SPCS3: variants seen among roughly 807,000 people sequenced by gnomAD.
The protein encoded by SPCS3 is SPase 22 kDa subunit.
SPCS3 carries 9 observed loss-of-function variants against 17.2 expected under a neutral mutation model. The observed-to-expected ratio is 0.52, with a 90% CI of 0.31 to 0.91. The LOEUF (loss-of-function observed/expected upper bound fraction) is 0.91. SPCS3 is among the 40% of genes least tolerant of loss of function. The pLI is 0.04. For synonymous variants in SPCS3, 87 were observed against 89.6 expected, an observed-to-expected ratio of 0.97 and a Z score of 0.16; for missense variants, 139 against 217.5, an observed-to-expected ratio of 0.64 and a Z score of 2.27.
At position 176,328,403 on chromosome 4, in the gene SPCS3, T is replaced by G; in HGVS notation, c.*73T>G. On this transcript the variant is annotated 3_prime_UTR_variant, in exon 5 of 5. Transcript: ENST00000503362. ...TCTCATTAATCTCTTCCCTTACATCTTCATGTATTGTTGGTTTGTTTTTTG... is the reference window on the plus strand; with the variant it reads ...TCTCATTAATCTCTTCCCTTACATCGTCATGTATTGTTGGTTTGTTTTTTG... 1 of 1,248,360 alleles carries G rather than the reference T, an allele frequency of 8.0e-7. No individual in the cohort carries two copies. Among genetic ancestry groups the G allele is most frequent in the Non-Finnish European group, 1.0e-6 (1 of 957,236 alleles). 77.3% of individuals were successfully genotyped at this position (1,248,360 alleles called of 1,614,324 possible). A position where few individuals can be genotyped will look rare whatever the true frequency, so the allele number is the denominator to read the frequency against.
intron 1 of SPCS3, 31 bp downstream of exon 1, chr4:176,320,250 G>C (rs2126999068): frequency 6.7e-7 from 1 of 1,498,114 alleles, no homozygotes; most frequent in South Asian, 1.3e-5. Context: ...GGTGCAGGAC[G>C]CCGGGACCGG....
chr4:176,328,264 T>C lies in SPCS3; in HGVS notation c.477T>C (p.Leu159=). 6.2e-7 allele frequency: 1 copy of C among 1,613,330 alleles called. No homozygotes were observed. Among genetic ancestry groups the C allele is most frequent in the Non-Finnish European group, 8.5e-7 (1 of 1,179,580 alleles). The part of the protein sequence containing the change: ...NVVPNAGILP[L]VTGSGHVSVP... ...TACCAAATGCTGGAATTCTACCTCTTGTGACAGGATCAGGACACGTATCTG... is the reference window on the plus strand; with the variant it reads ...TACCAAATGCTGGAATTCTACCTCTCGTGACAGGATCAGGACACGTATCTG... The change falls in exon 5 of 5, where the codon CTT becomes CTC. Residue 159 remains leucine, a synonymous_variant. Coordinates refer to ENST00000503362, the MANE Select transcript of SPCS3 (RefSeq NM_021928.4).
chr4:176,327,309 A>T, intron 4 of SPCS3, 32 bp downstream of exon 4: 3 of 1,272,222 alleles, frequency 2.4e-6, no homozygotes, highest in Non-Finnish European at 3.2e-6. Flanking sequence ...TTTTACATTT[A>T]ATAAGAGGTG....
At chr4:176,326,216 G>A (rs1345440605) in intron 3 of SPCS3, among the ~76,000 whole-genome samples, 3 of 151,908 alleles carry the variant, frequency 2.0e-5, no homozygotes, top group Non-Finnish European at 2.9e-5. Context: ...CAGGAGAATC[G>A]CATGAACCTG....
chr4:176,324,129 A>C, intron 2 of SPCS3, 52 bp from the exon 3 acceptor site: 1 of 909,608 alleles, frequency 1.1e-6, no homozygotes, highest in Non-Finnish European at 1.5e-6. Context: ...ATTAAGATCT[A>C]TTTAAAAGTG....
At position 176,324,243 on chromosome 4, in the gene SPCS3, TCAA is replaced by T; in HGVS notation, c.284_286del (p.Thr95del). 1 of 1,148,430 alleles carries T rather than the reference TCAA, an allele frequency of 8.7e-7. No individual in the cohort carries two copies. Among genetic ancestry groups the T allele is most frequent in the Non-Finnish European group, 1.2e-6 (1 of 829,832 alleles). The allele number at this position is 1,148,430 out of a possible 1,614,324, so 71.1% of individuals were successfully genotyped here. A position where few individuals can be genotyped will look rare whatever the true frequency, so the allele number is the denominator to read the frequency against. On this transcript the variant is annotated inframe_deletion, in exon 3 of 5. Coordinates refer to ENST00000503362, the MANE Select transcript of SPCS3 (RefSeq NM_021928.4). ...GTTTCTTTATTTATCAGCAGAATAT[TCAA>T]CAAAAAATAATGTAAGTATATCTAA...
chr4:176,320,308 C>G lies in SPCS3; in HGVS notation c.143+89C>G, dbSNP rs1350062914. On this transcript the variant is annotated intron_variant, in intron 1 of 4. Transcript: ENST00000503362. ...GGCCGCCGCGCCGGGGCTGCCGTGC[C>G]GGGGCCGCGGGCAGGGCGTCCGGAT... The G allele has an allele frequency of 1.9e-5, 23 of 1,190,592 alleles. No individual in the cohort carries two copies. The South Asian group carries it at 5.9e-4, about 31-fold the overall frequency. 73.8% of individuals were successfully genotyped at this position (1,190,592 alleles called of 1,614,324 possible).
chr4:176,320,956 G>C (rs1241844298), intron 1 of SPCS3: 1 of 152,146 alleles, frequency 6.6e-6, no homozygotes, highest in East Asian at 1.9e-4. Flanking sequence ...AATGCAGTTC[G>C]AAATGACAGT....
intron 3 of SPCS3, among the ~76,000 whole-genome samples, chr4:176,326,602 G>A (rs546462144): frequency 6.6e-6 from 1 of 152,194 alleles, no homozygotes; most frequent in Non-Finnish European, 1.5e-5. Flanking sequence ...ATCTTTAAAA[G>A]GCTTCATTTC....
rs1403489966 is a variant in SPCS3 at position 176,331,211 on chromosome 4, A to G, written c.*2881A>G. ...CTTAAAGCCCAGCTATTAATTGATA[A>G]TGAACATTTTTCACTATTTTTTTTT... On this transcript the variant is annotated 3_prime_UTR_variant, in exon 5 of 5. Transcript: ENST00000503362. The G allele has an allele frequency of 1.3e-5, 2 of 152,148 alleles. No individual in the cohort carries two copies. The highest frequency in any genetic ancestry group is 1.3e-4 in the Admixed American group (2 of 15,276). The allele number at this position is 152,148 out of a possible 1,614,324, so 9.4% of individuals were successfully genotyped here.
At chr4:176,326,826 C>T (rs894813695) in intron 3 of SPCS3, 1 of 170,242 alleles carries the variant, frequency 5.9e-6, no homozygotes, top group Non-Finnish European at 1.2e-5. Context: ...TACTTCCCTT[C>T]TAGGGATTTA....
rs1365617906 is a variant in SPCS3 at position 176,329,848 on chromosome 4, T to C, written c.*1518T>C. 1 of 152,190 alleles carries C rather than the reference T, an allele frequency of 6.6e-6. No individual in the cohort carries two copies. Among genetic ancestry groups the C allele is most frequent in the Admixed American group, 6.5e-5 (1 of 15,284 alleles). The allele number at this position is 152,190 out of a possible 1,614,324, so 9.4% of individuals were successfully genotyped here. The stretch of plus-strand genomic sequence containing the variant: ...AAGAATAGTTTAAATTACAGACATT[T>C]GTTATATTTACCTTATGTGAAATAC... On this transcript the variant is annotated 3_prime_UTR_variant, in exon 5 of 5. Transcript: ENST00000503362.
intron 1 of SPCS3, chr4:176,320,674 T>G (rs894128064): frequency 1.3e-5 from 2 of 152,960 alleles, no homozygotes; most frequent in African/African-American, 4.8e-5. Context: ...CCGTGGGGTT[T>G]CCTGGCGGCT....
In SPCS3 at chr4:176,320,113, G is replaced by A; in HGVS notation, c.37G>A (p.Ala13Thr). The change falls in exon 1 of 5, where the codon GCC becomes ACC. Residue 13 changes from alanine (A) to threonine (T), a missense_variant. Physicochemically the swap from Ala to Thr is moderately conservative, Grantham distance 58 (BLOSUM62 0). Transcript: ENST00000503362. ...TVLSRANSLF[A>T]FSLSVMAALT... ...GCTGTCGCGGGCGAACTCACTGTTC[G>A]CCTTCTCGCTGAGCGTGATGGCGGC... is the stretch of plus-strand genomic sequence containing the variant. 1.3e-6 allele frequency: 2 copies of A among 1,578,330 alleles called. No homozygotes were observed. The highest frequency in any genetic ancestry group is 1.7e-6 in the Non-Finnish European group (2 of 1,163,404).
At position 176,330,163 on chromosome 4, in the gene SPCS3, T is replaced by A. The variant is rs919815224; in HGVS notation, c.*1833T>A. ...TGAACAAAAAAGCACGTTAGTAATA[T>A]GAAGACAGGAAAACGAATGAAAGTC... On this transcript the variant is annotated 3_prime_UTR_variant, in exon 5 of 5. Transcript: ENST00000503362. 1 of 152,220 alleles carries A rather than the reference T, an allele frequency of 6.6e-6. No individual in the cohort carries two copies. The highest frequency in any genetic ancestry group is 1.9e-4 in the East Asian group (1 of 5,202). The allele number at this position is 152,220 out of a possible 1,614,324, so 9.4% of individuals were successfully genotyped here.
At chr4:176,320,408 T>G (rs1731519700) in intron 1 of SPCS3, 189 bp downstream of exon 1, 1 of 360,362 alleles carries the variant, frequency 2.8e-6, no homozygotes, top group African/African-American at 2.2e-5. Context: ...CGGCGTCCCC[T>G]CGGAACTTGC....
intron 1 of SPCS3, 55 bp from the exon 2 acceptor site, chr4:176,322,115 G>A (rs762251213): frequency 2.0e-4 from 230 of 1,168,394 alleles, no homozygotes; most frequent in Non-Finnish European, 2.7e-4. Flanking sequence ...AAGAAGTTAC[G>A]TGAATTGTGT....
intron 4 of SPCS3, 58 bp from the exon 5 acceptor site, chr4:176,328,140 A>C: frequency 6.4e-7 from 1 of 1,564,622 alleles, no homozygotes; most frequent in South Asian, 1.2e-5. Flanking sequence ...TTTGTCTTAA[A>C]ATTTTTTTTG....
At chr4:176,327,914 C>T (rs989036903) in intron 4 of SPCS3, among the ~76,000 whole-genome samples, 3 of 152,200 alleles carry the variant, frequency 2.0e-5, no homozygotes, top group Admixed American at 6.5e-5. Flanking sequence ...TTTACATTTA[C>T]TGTTTTAATC....
Sources: gnomAD v4.1 joint callset for allele counts (sites outside exome capture counted in the v4.1 genomes callset) on GRCh38, gnomAD v4.1.1 for gene constraint, MANE v1.5 for transcripts, NCBI Gene and HGNC (gene_info 2026-07-23, HGNC 2026-07-21) for gene names.